Variants in WASHC2C observed in about 807,000 individuals in gnomAD.
The protein encoded by WASHC2C is WASH complex subunit 2C.
In WASHC2C, 73 loss-of-function variants were observed where a neutral mutation model predicts 142.2. The observed-to-expected ratio is 0.51, with a 90% CI of 0.43 to 0.62. The LOEUF is 0.62. Among genes scored for constraint, WASHC2C ranks in the 20% least tolerant of loss-of-function variants. WASHC2C has a pLI of 0.00. For missense variants in WASHC2C, 969 were observed against 1,531.7 expected, an observed-to-expected ratio of 0.63 and a Z score of 6.13; for synonymous variants, 337 against 565.5, an observed-to-expected ratio of 0.60 and a Z score of 5.73.
chr10:45,791,674 A>T (rs1438404588), intron 30 of WASHC2C, among the ~76,000 whole-genome samples: 1 of 145,830 alleles, frequency 6.9e-6, no homozygotes, highest in Admixed American at 7.1e-5. Flanking sequence ...ATTTGTGTAC[A>T]CCTAACTTTA....
rs1449900150 is a variant in WASHC2C, at chr10:45,750,825, C to G, written c.918C>G (p.Asp306Glu). Residue 306 changes from aspartate to glutamate, a missense_variant, in exon 10 of 31, where the codon GAC becomes GAG. Coordinates refer to ENST00000623400, the MANE Select transcript of WASHC2C (RefSeq NM_001330074.2). ...AGGGGGATGCCATGGGTCGAGTGGA[C>G]GAGGAGCCGACAAGTGAGCCCCAGC... Reference protein sequence around the residue: ...RIKGDAMGRVDEEPTTLPSGE... With the variant: ...RIKGDAMGRVEEEPTTLPSGE... 1 of 1,548,104 alleles carries G rather than the reference C, an allele frequency of 6.5e-7. No homozygotes were observed. The highest frequency in any genetic ancestry group is 8.7e-7 in the Non-Finnish European group (1 of 1,146,864).
Position 45,785,489 on chromosome 10 carries a change from G to A in WASHC2C, c.2689-20G>A, listed in dbSNP as rs1235882735. 6.2e-7 allele frequency: 1 copy of A among 1,611,524 alleles called. No homozygotes were observed. Among genetic ancestry groups the A allele is most frequent in the Non-Finnish European group, 8.5e-7 (1 of 1,179,348 alleles). ...TTCTAAGATATTTGATGCCTTTTTG[G>A]TATTTTTTTTCTTTTGAAGGTACAA... On this transcript the variant is annotated intron_variant, in intron 25 of 30. Transcript: ENST00000623400.
chr10:45,728,162 T>TAG (rs2050119720), intron 2 of WASHC2C, among the ~76,000 whole-genome samples: 1 of 152,114 alleles, frequency 6.6e-6, no homozygotes, highest in Non-Finnish European at 1.5e-5. Context: ...TAGCTGGGAC[T>TAG]ATAGGCGTCC....
At chr10:45,747,307 A>AT (rs199578811) in intron 8 of WASHC2C, among the ~76,000 whole-genome samples, 3,858 of 151,578 alleles carry the variant, frequency 0.025, 69 homozygotes, top group East Asian at 0.049. Flanking sequence ...TGCTCAGCCA[A>AT]TTTTTTTTGT....
At chr10:45,787,836 G>GCCCTGCACT (rs2058157087) in intron 28 of WASHC2C, among the ~76,000 whole-genome samples, 2 of 152,330 alleles carry the variant, frequency 1.3e-5, no homozygotes, top group Admixed American at 1.3e-4. Context: ...CTGTCACTGT[G>GCCCTGCACT]CCCTGCACTC....
chr10:45,747,900 A>G (rs1397795619), intron 8 of WASHC2C, among the ~76,000 whole-genome samples: 1 of 147,352 alleles, frequency 6.8e-6, no homozygotes, highest in East Asian at 2.0e-4. Context: ...TTTCATATAT[A>G]GAAATCCTTT....
intron 28 of WASHC2C, among the ~76,000 whole-genome samples, chr10:45,788,440 G>C (rs2058203427): frequency 3.3e-5 from 5 of 152,152 alleles, no homozygotes; most frequent in Admixed American, 3.3e-4. Context: ...ATTTAGACTA[G>C]CCCCCTAACA....
intron 10 of WASHC2C, among the ~76,000 whole-genome samples, chr10:45,751,216 A>G (rs1240737146): frequency 6.6e-6 from 1 of 151,644 alleles, no homozygotes; most frequent in Non-Finnish European, 1.5e-5. Flanking sequence ...CAGGGTAGAA[A>G]GATAACACAA....
chr10:45,747,150 A>T (rs2052933764), intron 8 of WASHC2C, among the ~76,000 whole-genome samples: 2 of 151,946 alleles, frequency 1.3e-5, no homozygotes, highest in South Asian at 2.1e-4. Context: ...TATTATTATT[A>T]TTTTTTTGAG....
In WASHC2C at chr10:45,734,359, C is replaced by CTCTGTG. The variant is rs1554863605; in HGVS notation, c.292-3623_292-3622insCTGTGT. Among the ~76,000 whole-genome samples the CTCTGTG allele has an allele frequency of 7.0e-3, 1,039 of 148,150 alleles. 16 individuals are homozygous for CTCTGTG. The highest frequency in any genetic ancestry group is 0.025 in the African/African-American group (982 of 40,022). ...TTTAACTTTAACCTTTTCTAGATGA[C>CTCTGTG]TGTGTGTGTGTGTGTGTGTGTGTGT... On this transcript the variant is annotated intron_variant, in intron 3 of 30. Coordinates refer to ENST00000623400, the MANE Select transcript of WASHC2C (RefSeq NM_001330074.2).
chr10:45,786,662 C>T lies in WASHC2C; in HGVS notation c.2862C>T (p.Ile954=), dbSNP rs782553881. Residue 954 remains isoleucine (I), a synonymous_variant, in exon 27 of 31, where the codon ATC becomes ATT. Transcript: ENST00000623400. The part of the protein sequence containing the change: ...PFKTKEPSTR[I]GKIQANLAIN... ...AAACCAAAGAACCATCCACTCGGATCGGGAAGATACAAGTAATTAAAACAC... is the reference window on the plus strand; with the variant it reads ...AAACCAAAGAACCATCCACTCGGATTGGGAAGATACAAGTAATTAAAACAC... The T allele has an allele frequency of 5.3e-5, 85 of 1,611,730 alleles. 1 individual carries two copies. The East Asian group carries it at 6.0e-4, about 11-fold the overall frequency.
intron 3 of WASHC2C, among the ~76,000 whole-genome samples, chr10:45,735,912 T>C (rs2051167910): frequency 6.6e-6 from 1 of 152,126 alleles, no homozygotes; most frequent in African/African-American, 2.4e-5. Flanking sequence ...TTAAGATTTA[T>C]TTATTCCCTC....
chr10:45,773,786 G>A (rs2056827119), intron 21 of WASHC2C, among the ~76,000 whole-genome samples: 1 of 151,256 alleles, frequency 6.6e-6, no homozygotes, highest in African/African-American at 2.4e-5. Flanking sequence ...TCCATCAGTG[G>A]AGAAATGGTC....
At position 45,792,821 on chromosome 10, in the gene WASHC2C, A is replaced by G. The variant is rs1418582551; in HGVS notation, c.*421A>G. 4.2e-5 allele frequency: 20 copies of G among 476,962 alleles called. No individual in the cohort carries two copies. Among genetic ancestry groups the G allele is most frequent in the South Asian group, 2.5e-4 (16 of 64,532 alleles). The allele number at this position is 476,962 out of a possible 1,614,324, so 29.5% of individuals were successfully genotyped here. A position where few individuals can be genotyped will look rare whatever the true frequency, so the allele number is the denominator to read the frequency against. On this transcript the variant is annotated 3_prime_UTR_variant, in exon 31 of 31. Transcript: ENST00000623400. ...AAAGAGAAAGAAGATGAGAGATTAT[A>G]CTTCATGAGTCTTAGCAATATGGGA...
At chr10:45,790,654 G>T in intron 30 of WASHC2C, 121 bp downstream of exon 30, 1 of 841,770 alleles carries the variant, frequency 1.2e-6, no homozygotes, top group East Asian at 2.6e-5. Flanking sequence ...TCACTTCAGT[G>T]TAATCCTGAG....
chr10:45,772,767 G>T (rs1342753781), intron 20 of WASHC2C, among the ~76,000 whole-genome samples: 2 of 152,116 alleles, frequency 1.3e-5, no homozygotes, highest in Non-Finnish European at 2.9e-5. Flanking sequence ...GAATTTTATG[G>T]AATGTAAATT....
chr10:45,770,809 C>A (rs2056507055), intron 20 of WASHC2C, among the ~76,000 whole-genome samples: 1 of 152,204 alleles, frequency 6.6e-6, no homozygotes. Flanking sequence ...AGTTACCTAA[C>A]TTCCCTGTGC....
At chr10:45,732,451 G>C (rs2597054) in intron 3 of WASHC2C, among the ~76,000 whole-genome samples, 4 of 152,226 alleles carry the variant, frequency 2.6e-5, no homozygotes, top group South Asian at 2.1e-4. Context: ...AATTCTAAAG[G>C]CTTAATTATC....
intron 28 of WASHC2C, among the ~76,000 whole-genome samples, chr10:45,787,894 C>T (rs1554890947): frequency 6.6e-6 from 1 of 152,226 alleles, no homozygotes; most frequent in Non-Finnish European, 1.5e-5. Context: ...GGGATCTCCT[C>T]AATGGACTGT....
Sources: allele counts gnomAD v4.1 joint callset (sites outside exome capture counted in the v4.1 genomes callset), GRCh38; gene constraint gnomAD v4.1.1; transcripts MANE v1.5; gene names NCBI Gene and HGNC (gene_info 2026-07-23, HGNC 2026-07-21).